Variants in SUPT3H observed in about 807,000 individuals in gnomAD.
SUPT3H encodes the protein SPT3 homolog, SAGA and STAGA complex component.
Under a neutral mutation model 44.3 loss-of-function variants are expected in SUPT3H, and 44 were observed. The ratio of observed to expected loss-of-function variants is 0.99; its 90% confidence interval spans 0.78 to 1.28. The LOEUF is 1.28. SUPT3H is among the 50% of genes most tolerant of loss of function. SUPT3H has a pLI of 0.00. For synonymous variants in SUPT3H, 124 were observed against 125.6 expected, an observed-to-expected ratio of 0.99 and a Z score of 0.09; for missense variants, 380 against 387.1, an observed-to-expected ratio of 0.98 and a Z score of 0.15.
intron 3 of SUPT3H, among the ~76,000 whole-genome samples, chr6:45,059,419 G>T (rs147718801): frequency 1.2e-3 from 181 of 152,062 alleles, no homozygotes; most frequent in African/African-American, 4.1e-3. Flanking sequence ...AATAAACTAG[G>T]AATTGAAGGA....
intron 3 of SUPT3H, among the ~76,000 whole-genome samples, chr6:45,096,861 C>T (rs1326576851): frequency 6.6e-6 from 1 of 152,050 alleles, no homozygotes; most frequent in East Asian, 1.9e-4. Flanking sequence ...AACACAGCTT[C>T]ACCTACTTCG....
intron 6 of SUPT3H, among the ~76,000 whole-genome samples, chr6:44,975,496 C>G (rs1383969016): frequency 1.3e-5 from 2 of 151,672 alleles, no homozygotes; most frequent in Non-Finnish European, 2.9e-5. Flanking sequence ...AACTAATTAT[C>G]TTATGTTCTC....
intron 2 of SUPT3H, among the ~76,000 whole-genome samples, chr6:45,226,131 T>C (rs144750836): frequency 0.018 from 2,668 of 152,302 alleles, 50 homozygotes; most frequent in South Asian, 0.085. Flanking sequence ...TTAATCCTCT[T>C]GATAATCCTA....
chr6:45,362,013 T>C (rs1292646206), intron 2 of SUPT3H, among the ~76,000 whole-genome samples: 1 of 152,162 alleles, frequency 6.6e-6, no homozygotes, highest in African/African-American at 2.4e-5. Context: ...ATCAGGCAAC[T>C]GCACTCCAGC....
At chr6:45,301,339 C>A (rs1283297164) in intron 2 of SUPT3H, among the ~76,000 whole-genome samples, 1 of 152,214 alleles carries the variant, frequency 6.6e-6, no homozygotes, top group Non-Finnish European at 1.5e-5. Context: ...AACTCATGCT[C>A]TTTTCCATTC....
chr6:45,357,325 A>T (rs1793410635), intron 2 of SUPT3H, among the ~76,000 whole-genome samples: 1 of 151,456 alleles, frequency 6.6e-6, no homozygotes. Context: ...ATTTTTATCT[A>T]GTACCTTTTT....
chr6:44,907,159 T>G (rs1050861208), intron 10 of SUPT3H, among the ~76,000 whole-genome samples: 1 of 152,222 alleles, frequency 6.6e-6, no homozygotes, highest in Non-Finnish European at 1.5e-5. Context: ...CTCCAGAGTG[T>G]AAATGAATGC....
At chr6:45,297,809 T>A (rs931260989) in intron 2 of SUPT3H, among the ~76,000 whole-genome samples, 1 of 152,110 alleles carries the variant, frequency 6.6e-6, no homozygotes, top group African/African-American at 2.4e-5. Context: ...TAGCACAGAG[T>A]AGACATCCAG....
At chr6:45,100,541 T>TAAAAAAAAAAAAAAAAAAAAAAA (rs58120512) in intron 3 of SUPT3H, among the ~76,000 whole-genome samples, 2 of 33,454 alleles carry the variant, frequency 6.0e-5, no homozygotes, top group African/African-American at 1.8e-4. Flanking sequence ...ACCCTGTACT[T>TAAAAAAAAAAAAAAAAAAAAAAA]AAAAAAAAAA....
At chr6:44,819,440 A>G (rs1450556968) in intron 11 of SUPT3H, among the ~76,000 whole-genome samples, 1 of 151,904 alleles carries the variant, frequency 6.6e-6, no homozygotes, top group African/African-American at 2.4e-5. Context: ...TGTGCTGTAC[A>G]TATAAAAAGG....
At chr6:45,114,529 G>T (rs1800556711) in intron 2 of SUPT3H, among the ~76,000 whole-genome samples, 1 of 151,944 alleles carries the variant, frequency 6.6e-6, no homozygotes, top group African/African-American at 2.4e-5. Flanking sequence ...ATTTACATAA[G>T]AAAGCTCATC....
At chr6:45,177,715 G>A (rs1480337265) in intron 2 of SUPT3H, among the ~76,000 whole-genome samples, 1 of 151,820 alleles carries the variant, frequency 6.6e-6, no homozygotes, top group East Asian at 1.9e-4. Flanking sequence ...ACTAACAGCT[G>A]ATCTCTCAGC....
At chr6:45,105,038 A>G (rs1016760734) in intron 3 of SUPT3H, among the ~76,000 whole-genome samples, 3 of 152,030 alleles carry the variant, frequency 2.0e-5, no homozygotes, top group Non-Finnish European at 4.4e-5. Flanking sequence ...AACCTGTAAT[A>G]AATGCCATAC....
At chr6:45,062,372 C>T (rs1792252725) in intron 3 of SUPT3H, among the ~76,000 whole-genome samples, 1 of 151,864 alleles carries the variant, frequency 6.6e-6, no homozygotes, top group African/African-American at 2.4e-5. Context: ...AATTCTGAGA[C>T]ACTAACAAAT....
intron 2 of SUPT3H, among the ~76,000 whole-genome samples, chr6:45,249,568 T>A (rs1443575776): frequency 6.6e-6 from 1 of 151,918 alleles, no homozygotes; most frequent in East Asian, 1.9e-4. Context: ...TCAGCAACAA[T>A]CAAGAAGCTG....
chr6:45,126,675 A>C (rs1395126348), intron 2 of SUPT3H, among the ~76,000 whole-genome samples: 1 of 152,212 alleles, frequency 6.6e-6, no homozygotes, highest in African/African-American at 2.4e-5. Context: ...AAGGACACTG[A>C]CTATGCCTAT....
At chr6:45,056,011 TA>T (rs1271668641) in intron 3 of SUPT3H, among the ~76,000 whole-genome samples, 1 of 151,870 alleles carries the variant, frequency 6.6e-6, no homozygotes, top group African/African-American at 2.4e-5. Context: ...AAAAATGGGC[TA>T]AAAACATGAA....
intron 2 of SUPT3H, among the ~76,000 whole-genome samples, chr6:45,242,843 T>C (rs974321072): frequency 2.0e-5 from 3 of 151,694 alleles, no homozygotes; most frequent in Admixed American, 6.6e-5. Flanking sequence ...GAAAAGTCAA[T>C]AGAAACAGAT....
rs142457369 is a variant in SUPT3H at position 45,061,563 on chromosome 6, A to T, written c.187-40931T>A. The stretch of plus-strand genomic sequence containing the variant: ...TGGCACAAGTTTACCTATGTAACAA[A>T]CCTGCACGTCCTGCACATGTACACC... On this transcript the variant is annotated intron_variant, in intron 3 of 10. Coordinates refer to ENST00000371459, the MANE Select transcript of SUPT3H (RefSeq NM_003599.4). 7.5e-3 allele frequency among the ~76,000 whole-genome samples: 1,146 copies of T among 152,314 alleles called. 17 individuals carry two copies. The highest frequency in any genetic ancestry group is 0.026 in the African/African-American group (1,100 of 41,550).
Sources: gnomAD v4.1 joint callset for allele counts (sites outside exome capture counted in the v4.1 genomes callset) on GRCh38, gnomAD v4.1.1 for gene constraint, MANE v1.5 for transcripts, NCBI Gene and HGNC (gene_info 2026-07-23, HGNC 2026-07-21) for gene names.